UNC13C: variants seen among roughly 807,000 people sequenced by gnomAD.
The protein encoded by UNC13C is protein unc-13 homolog C.
Under a neutral mutation model 245.4 loss-of-function variants are expected in UNC13C, and 174 were observed. That is an observed-to-expected ratio of 0.71 (90% CI 0.63 to 0.80). The LOEUF is 0.80. Ranked by LOEUF, UNC13C falls within the 30% of genes least tolerant of loss-of-function variation. The pLI is 0.00. For missense variants in UNC13C, 2,829 were observed against 2,602.9 expected (o/e 1.09, Z -1.89); for synonymous variants, 992 against 895.1 (o/e 1.11, Z -1.93).
At chr15:54,151,681 C>G (rs566457397) in intron 4 of UNC13C, among the ~76,000 whole-genome samples, 1 of 152,224 alleles carries the variant, frequency 6.6e-6, no homozygotes, top group South Asian at 2.1e-4. Flanking sequence ...TGGGATGATA[C>G]GAGTGAGCCA....
At chr15:54,303,606 G>C (rs1453315448) in intron 13 of UNC13C, among the ~76,000 whole-genome samples, 2 of 146,890 alleles carry the variant, frequency 1.4e-5, no homozygotes, top group East Asian at 4.1e-4. Flanking sequence ...CTCAATCTAA[G>C]TAAAAGATAA....
the UNC13C span, among the ~76,000 whole-genome samples, chr15:53,926,130 T>C: frequency 4.6e-5 from 7 of 152,094 alleles, no homozygotes; most frequent in South Asian, 2.1e-4. Flanking sequence ...GTTTTTTTTT[T>C]CAATGGGGTT....
chr15:54,265,572 C>T, intron 10 of UNC13C, 76 bp downstream of exon 10: 1 of 1,096,548 alleles, frequency 9.1e-7, no homozygotes, highest in Non-Finnish European at 1.2e-6. Flanking sequence ...ACAAAGGATG[C>T]AATAATTATC....
intron 2 of UNC13C, among the ~76,000 whole-genome samples, chr15:54,029,685 T>C (rs1366737847): frequency 6.6e-6 from 1 of 152,244 alleles, no homozygotes; most frequent in African/African-American, 2.4e-5. Flanking sequence ...ATGGCACTTA[T>C]GCAGCCAAAC....
At chr15:54,063,019 C>T (rs1255666296) in intron 2 of UNC13C, among the ~76,000 whole-genome samples, 2 of 152,080 alleles carry the variant, frequency 1.3e-5, no homozygotes, top group Non-Finnish European at 2.9e-5. Context: ...TAGGGATAGG[C>T]CTGGATAATT....
At chr15:53,945,498 G>A in the UNC13C span, among the ~76,000 whole-genome samples, 8 of 152,086 alleles carry the variant, frequency 5.3e-5, no homozygotes, top group African/African-American at 1.7e-4. Context: ...TATTAAGTGG[G>A]GGGTCCTTTC....
In UNC13C at chr15:54,006,116, C is replaced by T. The variant is rs908265216; in HGVS notation, c.-256-6532C>T. 2.6e-5 allele frequency among the ~76,000 whole-genome samples: 4 copies of T among 152,142 alleles called. No individual in the cohort carries two copies. The East Asian group carries it at 7.7e-4, about 29-fold the overall frequency. ...GCATTCCTGATCATAAACTGAGATA[C>T]TATCCTTACAAGATTACCATGAAGA... is the stretch of plus-strand genomic sequence containing the variant. On this transcript the variant is annotated intron_variant, in intron 1 of 32. Coordinates refer to ENST00000260323, the MANE Select transcript of UNC13C (RefSeq NM_001080534.3).
chr15:54,490,005 G>T (rs1893622140), intron 19 of UNC13C, among the ~76,000 whole-genome samples: 2 of 152,184 alleles, frequency 1.3e-5, no homozygotes, highest in South Asian at 4.1e-4. Flanking sequence ...TGGGCAAACA[G>T]ATACTGAGCT....
At chr15:54,471,883 G>C (rs1331635787) in intron 19 of UNC13C, among the ~76,000 whole-genome samples, 2 of 151,680 alleles carry the variant, frequency 1.3e-5, no homozygotes, top group Non-Finnish European at 3.0e-5. Flanking sequence ...CTAGCATATA[G>C]TTGGGTCTTT....
intron 2 of UNC13C, chr15:54,050,794 C>T (rs527784680): frequency 8.4e-6 from 5 of 592,994 alleles, no homozygotes; most frequent in East Asian, 4.5e-5. Flanking sequence ...TATATGAATA[C>T]AGCCCTTCAG....
chr15:54,089,504 C>T (rs16974054), intron 2 of UNC13C, among the ~76,000 whole-genome samples: 3,181 of 152,136 alleles, frequency 0.021, 115 homozygotes, highest in African/African-American at 0.073. Flanking sequence ...GAGGAGAAAA[C>T]CTGTGAGTAT....
At chr15:54,214,824 C>T (rs1283174140) in intron 4 of UNC13C, among the ~76,000 whole-genome samples, 3 of 151,886 alleles carry the variant, frequency 2.0e-5, no homozygotes, top group African/African-American at 7.2e-5. Context: ...AATCAAGGAA[C>T]ATTAATGCAC....
intron 25 of UNC13C, among the ~76,000 whole-genome samples, chr15:54,527,144 C>T (rs927059463): frequency 6.6e-6 from 1 of 152,084 alleles, no homozygotes; most frequent in Non-Finnish European, 1.5e-5. Context: ...CCTACTTCAC[C>T]GGGATGTTAG....
intron 17 of UNC13C, among the ~76,000 whole-genome samples, chr15:54,380,054 CATG>C (rs2039690045): frequency 6.6e-6 from 1 of 152,004 alleles, no homozygotes; most frequent in Non-Finnish European, 1.5e-5. Context: ...CTATGGTAAA[CATG>C]GTGTACAATA....
intron 30 of UNC13C, among the ~76,000 whole-genome samples, chr15:54,585,880 C>T (rs1596618865): frequency 6.6e-6 from 1 of 152,210 alleles, no homozygotes; most frequent in Non-Finnish European, 1.5e-5. Context: ...AAACAACTTT[C>T]ATCCTAAATT....
At chr15:54,249,284 G>C (rs1364177529) in intron 7 of UNC13C, among the ~76,000 whole-genome samples, 1 of 151,746 alleles carries the variant, frequency 6.6e-6, no homozygotes, top group East Asian at 1.9e-4. Context: ...TGCTTATTTG[G>C]TGTTTTGAAG....
At chr15:53,844,798 A>G in the UNC13C span, among the ~76,000 whole-genome samples, 1 of 152,146 alleles carries the variant, frequency 6.6e-6, no homozygotes, top group Admixed American at 6.5e-5. Context: ...AGCTTTTTCA[A>G]GCAGGCATGT....
chr15:53,960,722 A>C, the UNC13C span, among the ~76,000 whole-genome samples: 1 of 152,006 alleles, frequency 6.6e-6, no homozygotes, highest in East Asian at 1.9e-4. Flanking sequence ...CAGTTTTTAT[A>C]GTCAGTCCTT....
At chr15:54,507,870 A>G (rs1423515227) in intron 23 of UNC13C, among the ~76,000 whole-genome samples, 2 of 151,996 alleles carry the variant, frequency 1.3e-5, no homozygotes. Context: ...AAAGTGTTTA[A>G]AAAGTGAGTA....
Sources: allele counts gnomAD v4.1 joint callset (sites outside exome capture counted in the v4.1 genomes callset), GRCh38; gene constraint gnomAD v4.1.1; transcripts MANE v1.5; gene names NCBI Gene and HGNC (gene_info 2026-07-23, HGNC 2026-07-21).